SEL1L3: variants seen among roughly 807,000 people sequenced by gnomAD.
SEL1L3 encodes the protein SEL1L family member 3, also known as protein sel-1 homolog 3.
A neutral mutation model predicts 142.8 loss-of-function variants in SEL1L3; 76 were observed. That is an observed-to-expected ratio of 0.53 (90% CI 0.44 to 0.64). The LOEUF (loss-of-function observed/expected upper bound fraction) is 0.64, where lower values mean the gene tolerates loss of function less well. Ranked by LOEUF, SEL1L3 falls within the 30% of genes least tolerant of loss-of-function variation. The probability of loss-of-function intolerance (pLI) is 0.00; values close to 1 mark genes in which losing one functional copy is unlikely to be tolerated. For synonymous variants in SEL1L3, 504 were observed against 519.6 expected (o/e 0.97, Z 0.41); for missense variants, 1,262 against 1,381.7 (o/e 0.91, Z 1.37).
At chr4:25,816,491 C>A (rs1714402207) in intron 9 of SEL1L3, among the ~76,000 whole-genome samples, 1 of 152,184 alleles carries the variant, frequency 6.6e-6, no homozygotes, top group Non-Finnish European at 1.5e-5. Context: ...ATCTCTACAT[C>A]CTTCAGCTCT....
intron 11 of SEL1L3, 114 bp from the exon 12 acceptor site, chr4:25,790,688 G>A (rs1171355597): frequency 1.0e-5 from 1 of 100,008 alleles, no homozygotes. Context: ...GGGAGGGAGG[G>A]AGGGAGGGAG....
the SEL1L3 span, among the ~76,000 whole-genome samples, chr4:25,715,433 T>C: frequency 8.3e-4 from 127 of 152,346 alleles, 1 homozygote; most frequent in Middle Eastern, 6.8e-3. Context: ...TGACTTATGT[T>C]ATTGTCCATG....
downstream of SEL1L3, among the ~76,000 whole-genome samples, chr4:25,746,507 A>AATAAATATATATATATATATATATATAT (rs1717265391): frequency 2.0e-5 from 2 of 101,558 alleles, no homozygotes; most frequent in African/African-American, 4.1e-5. Context: ...ATATTATCTA[A>AATAAATATATATATATATATATATATAT]ATATATATAT....
At position 25,784,307 on chromosome 4, in the gene SEL1L3, A is replaced by T; in HGVS notation, c.2218-17T>A. On this transcript the variant is annotated splice_polypyrimidine_tract_variant and intron_variant, in intron 13 of 23. Transcript: ENST00000399878. ...TCCTTGACCCTAAACATTGATAAAC[A>T]GCGATGATTACAAAGAAAATACAAC... The T allele has an allele frequency of 1.2e-6, 2 of 1,605,862 alleles. No homozygotes were observed. Among genetic ancestry groups the T allele is most frequent in the Non-Finnish European group, 1.7e-6 (2 of 1,172,450 alleles).
chr4:25,724,772 G>GAAAA, the SEL1L3 span, among the ~76,000 whole-genome samples: 5 of 42,762 alleles, frequency 1.2e-4, no homozygotes, highest in Non-Finnish European at 2.2e-4. Context: ...AAAAAAAAAA[G>GAAAA]GAAAAGAAAT....
In SEL1L3 at chr4:25,784,254, C is replaced by T; in HGVS notation, c.2254G>A (p.Glu752Lys). The T allele has an allele frequency of 6.2e-7, 1 of 1,613,756 alleles. No individual in the cohort carries two copies. Among genetic ancestry groups the T allele is most frequent in the Non-Finnish European group, 8.5e-7 (1 of 1,179,724 alleles). ...TTGGAAGCTGCTTTCTTCATCAGCT[C>T]TAAGGCAAGCCGTCTGTTCTTTTTT... ...GVKKNRRLALELMKKAASKGL... is the reference protein window; with the variant it reads ...GVKKNRRLALKLMKKAASKGL... The change falls in exon 14 of 24, where the codon GAG (glutamate) becomes AAG (lysine). Residue 752 changes from glutamate to lysine, a missense_variant. Coordinates refer to ENST00000399878, the MANE Select transcript of SEL1L3 (RefSeq NM_015187.5).
chr4:25,776,291 G>C lies in SEL1L3; in HGVS notation c.2655C>G (p.Tyr885Ter). Residue 885 changes from tyrosine to a stop codon, truncating the protein, a stop_gained, in exon 17 of 24, where the codon TAC becomes TAG. Coordinates refer to ENST00000399878, the MANE Select transcript of SEL1L3 (RefSeq NM_015187.5). LOFTEE classifies it high-confidence loss of function. ...GHVIRKGLNA[Y>*]LEGSWHEALL... Reference sequence around the variant, plus strand: ...CCCAAGCTTACCATGAACCTTCCAGGTAGGCATTGAGGCCTTTGCGGATGA... The same window carrying C: ...CCCAAGCTTACCATGAACCTTCCAGCTAGGCATTGAGGCCTTTGCGGATGA... 6.2e-7 allele frequency: 1 copy of C among 1,611,068 alleles called. No individual in the cohort carries two copies. The highest frequency in any genetic ancestry group is 1.1e-5 in the South Asian group (1 of 90,898).
At chr4:25,856,815 C>T (rs542256604) in intron 1 of SEL1L3, among the ~76,000 whole-genome samples, 11 of 152,264 alleles carry the variant, frequency 7.2e-5, no homozygotes, top group Non-Finnish European at 1.0e-4. Context: ...AGAAGAGATG[C>T]TATTCAAATA....
chr4:25,789,671 T>C (rs1712154013), intron 12 of SEL1L3, among the ~76,000 whole-genome samples: 1 of 151,724 alleles, frequency 6.6e-6, no homozygotes, highest in Admixed American at 6.6e-5. Context: ...TTCCCATCTC[T>C]GGGCTTCAGC....
chr4:25,725,794 C>G, the SEL1L3 span, among the ~76,000 whole-genome samples: 1 of 152,134 alleles, frequency 6.6e-6, no homozygotes, highest in African/African-American at 2.4e-5. Context: ...GTTGCCATGG[C>G]ATTTGTAAAG....
Position 25,850,967 on chromosome 4 carries a change from C to A in SEL1L3, c.163-3103G>T, listed in dbSNP as rs147762362. On this transcript the variant is annotated intron_variant, in intron 1 of 23. Coordinates refer to ENST00000399878, the MANE Select transcript of SEL1L3 (RefSeq NM_015187.5). ...CCAGGTTCAAGTGATTCTCCTGCCTCAGCCTCCCGAGTAGCTGGGATTACA... is the reference window on the plus strand; with the variant it reads ...CCAGGTTCAAGTGATTCTCCTGCCTAAGCCTCCCGAGTAGCTGGGATTACA... Among the ~76,000 whole-genome samples, 587 of 152,154 alleles carry A rather than the reference C, an allele frequency of 3.9e-3. 1 individual carries two copies. The highest frequency in any genetic ancestry group is 0.013 in the African/African-American group (545 of 41,502).
chr4:25,818,535 G>A lies in SEL1L3; in HGVS notation c.1424-257C>T, dbSNP rs139474445. ...CAGAATGAGCAGCTGGCCTCTGACC[G>A]GTCCCCAGGAGGCCAATATCTAGGC... On this transcript the variant is annotated intron_variant, in intron 8 of 23. Transcript: ENST00000399878. Among the ~76,000 whole-genome samples the A allele has an allele frequency of 3.0e-3, 454 of 152,208 alleles. 1 individual carries two copies. The highest frequency in any genetic ancestry group is 0.01 in the African/African-American group (416 of 41,540).
At position 25,767,731 on chromosome 4, in the gene SEL1L3, T is replaced by C; in HGVS notation, c.2760+9A>G. The C allele has an allele frequency of 6.4e-7, 1 of 1,550,898 alleles. No individual in the cohort carries two copies. The highest frequency in any genetic ancestry group is 8.8e-7 in the Non-Finnish European group (1 of 1,136,800). On this transcript the variant is annotated intron_variant, in intron 18 of 23. Coordinates refer to ENST00000399878, the MANE Select transcript of SEL1L3 (RefSeq NM_015187.5). ...GAGCTTCTACTCTGAGAAGAATACA[T>C]TTACTTACTGGCCTCTCCTCACAGA...
the SEL1L3 span, among the ~76,000 whole-genome samples, chr4:25,737,207 A>T: frequency 6.6e-6 from 1 of 151,790 alleles, no homozygotes; most frequent in Admixed American, 6.6e-5. Flanking sequence ...CTGGTCTCGA[A>T]CTCCTGACCT....
intron 6 of SEL1L3, among the ~76,000 whole-genome samples, chr4:25,828,541 T>C (rs546274032): frequency 6.6e-6 from 1 of 151,856 alleles, no homozygotes; most frequent in East Asian, 2.0e-4. Context: ...CGCACCACCA[T>C]GACCAGCTAA....
At chr4:25,736,197 A>G in the SEL1L3 span, among the ~76,000 whole-genome samples, 5 of 101,008 alleles carry the variant, frequency 5.0e-5, no homozygotes, top group African/African-American at 1.5e-4. Flanking sequence ...GTGGTCAGAC[A>G]ATATATGCCA....
intron 21 of SEL1L3, among the ~76,000 whole-genome samples, chr4:25,758,682 T>C (rs965692208): frequency 4.0e-5 from 6 of 151,660 alleles, no homozygotes; most frequent in African/African-American, 1.2e-4. Context: ...TTCTTTTTTT[T>C]TTTTTTCTTT....
At chr4:25,793,970 A>G (rs1179244538) in intron 11 of SEL1L3, among the ~76,000 whole-genome samples, 11 of 152,234 alleles carry the variant, frequency 7.2e-5, no homozygotes, top group South Asian at 2.1e-4. Flanking sequence ...ATGGCTAGCC[A>G]TATGCAGAAA....
At chr4:25,857,159 T>A (rs565355491) in intron 1 of SEL1L3, among the ~76,000 whole-genome samples, 1 of 152,318 alleles carries the variant, frequency 6.6e-6, no homozygotes, top group East Asian at 1.9e-4. Context: ...GTCTACTAGA[T>A]ATAAGCAAAA....
Sources: gnomAD v4.1 joint callset for allele counts (sites outside exome capture counted in the v4.1 genomes callset) on GRCh38, gnomAD v4.1.1 for gene constraint, MANE v1.5 for transcripts, NCBI Gene and HGNC (gene_info 2026-07-23, HGNC 2026-07-21) for gene names.